Variants in GNB4 observed in about 807,000 individuals in gnomAD.
The protein encoded by GNB4 is guanine nucleotide-binding protein subunit beta-4.
In GNB4, 28 loss-of-function variants were observed where a neutral mutation model predicts 45.2. That is an observed-to-expected ratio of 0.62 (90% CI 0.46 to 0.85). GNB4 has a LOEUF of 0.85. GNB4 is among the 40% of genes least tolerant of loss of function. The probability of loss-of-function intolerance (pLI) is 0.00; values close to 1 mark genes in which losing one functional copy is unlikely to be tolerated. For missense variants in GNB4, 321 were observed against 425.4 expected, an observed-to-expected ratio of 0.75 and a Z score of 2.16; for synonymous variants, 132 against 143.7, an observed-to-expected ratio of 0.92 and a Z score of 0.58.
intron 9 of GNB4, among the ~76,000 whole-genome samples, chr3:179,404,677 T>A (rs1300799802): frequency 2.6e-5 from 4 of 152,194 alleles, no homozygotes; most frequent in Non-Finnish European, 5.9e-5. Context: ...AAGTATAATT[T>A]TGATTTTTAA....
the GNB4 span, among the ~76,000 whole-genome samples, chr3:179,508,457 G>C: frequency 6.6e-6 from 1 of 152,182 alleles, no homozygotes; most frequent in Non-Finnish European, 1.5e-5. Context: ...GATGCTGATA[G>C]GGTTAAAATA....
chr3:179,428,123 T>A (rs1244007904), intron 1 of GNB4, among the ~76,000 whole-genome samples: 1 of 152,222 alleles, frequency 6.6e-6, no homozygotes, highest in Non-Finnish European at 1.5e-5. Flanking sequence ...AAAACCAGTA[T>A]CTATTTATTC....
At chr3:179,457,903 T>TC in the GNB4 span, among the ~76,000 whole-genome samples, 1 of 145,934 alleles carries the variant, frequency 6.9e-6, no homozygotes, top group Non-Finnish European at 1.5e-5. Flanking sequence ...TCATTTTAGT[T>TC]CTTTTTTTTT....
the GNB4 span, among the ~76,000 whole-genome samples, chr3:179,522,602 A>G: frequency 6.6e-6 from 1 of 152,254 alleles, no homozygotes; most frequent in Admixed American, 6.5e-5. Context: ...GAAGAGCAAT[A>G]GCCTCAATAA....
the GNB4 span, among the ~76,000 whole-genome samples, chr3:179,482,212 C>T: frequency 6.6e-6 from 1 of 152,152 alleles, no homozygotes; most frequent in Non-Finnish European, 1.5e-5. Flanking sequence ...TTTTAAAAAT[C>T]AAGTTTCAAT....
Position 179,401,124 on chromosome 3 carries a change from C to T in GNB4, c.*89G>A. 2 of 731,220 alleles carry T rather than the reference C, an allele frequency of 2.7e-6. No individual in the cohort carries two copies. The highest frequency in any genetic ancestry group is 4.0e-6 in the Non-Finnish European group (2 of 494,186). 45.3% of individuals were successfully genotyped at this position (731,220 alleles called of 1,614,324 possible). On this transcript the variant is annotated 3_prime_UTR_variant, in exon 10 of 10. Transcript: ENST00000232564. ...AATCTAATAGAAAAATCTTCACCTG[C>T]AAATATAAGGTAGAATTTTTTCACA...
chr3:179,468,626 C>T, the GNB4 span, among the ~76,000 whole-genome samples: 1 of 152,172 alleles, frequency 6.6e-6, no homozygotes, highest in Non-Finnish European at 1.5e-5. Context: ...CTGACCAGCA[C>T]TAACATTAAA....
At chr3:179,416,270 AT>A (rs1420338277) in intron 5 of GNB4, among the ~76,000 whole-genome samples, 2 of 152,224 alleles carry the variant, frequency 1.3e-5, no homozygotes, top group African/African-American at 4.8e-5. Flanking sequence ...ATATTCATAT[AT>A]TAAATATGAG....
intron 1 of GNB4, among the ~76,000 whole-genome samples, chr3:179,445,048 A>T (rs1490417355): frequency 6.6e-6 from 1 of 152,194 alleles, no homozygotes; most frequent in Non-Finnish European, 1.5e-5. Flanking sequence ...AAAAAAATTA[A>T]AAATCCTATA....
the GNB4 span, among the ~76,000 whole-genome samples, chr3:179,485,471 T>C: frequency 6.6e-6 from 1 of 152,198 alleles, no homozygotes; most frequent in East Asian, 1.9e-4. Flanking sequence ...CCTATTTCCA[T>C]TTGGGTAATA....
the GNB4 span, among the ~76,000 whole-genome samples, chr3:179,494,692 G>A: frequency 3.3e-5 from 5 of 151,726 alleles, no homozygotes; most frequent in African/African-American, 4.8e-5. Flanking sequence ...GGCAGATCAC[G>A]AGGTCAGGAG....
chr3:179,474,323 A>G, the GNB4 span, among the ~76,000 whole-genome samples: 559 of 152,248 alleles, frequency 3.7e-3, no homozygotes, highest in Admixed American at 5.5e-3. Context: ...TCCCGGGTTC[A>G]AGCGATTCTC....
intron 1 of GNB4, among the ~76,000 whole-genome samples, chr3:179,429,341 C>A (rs953102571): frequency 6.6e-6 from 1 of 152,128 alleles, no homozygotes; most frequent in Non-Finnish European, 1.5e-5. Context: ...TGGGGAACAC[C>A]GGGAATCAAC....
chr3:179,420,954 G>A (rs1227086081), intron 2 of GNB4, 27 bp from the exon 3 acceptor site: 4 of 1,394,848 alleles, frequency 2.9e-6, no homozygotes, highest in Non-Finnish European at 4.1e-6. Context: ...TGATTATAAT[G>A]CATTTAGCAA....
the GNB4 span, among the ~76,000 whole-genome samples, chr3:179,460,257 C>T: frequency 6.6e-6 from 1 of 152,146 alleles, no homozygotes; most frequent in East Asian, 1.9e-4. Context: ...TCTCAAGAAA[C>T]TGGAAACCTC....
At chr3:179,517,849 G>A in the GNB4 span, among the ~76,000 whole-genome samples, 85,868 of 151,974 alleles carry the variant, frequency 0.57, 24,606 homozygotes, top group African/African-American at 0.65. Context: ...GTTTAATCAC[G>A]CAGGGACGCC....
chr3:179,404,263 C>G (rs1302543005), intron 9 of GNB4, among the ~76,000 whole-genome samples: 1 of 152,188 alleles, frequency 6.6e-6, no homozygotes, highest in Non-Finnish European at 1.5e-5. Context: ...CAAAATCTAT[C>G]ATATGGGAAA....
At chr3:179,464,447 A>G in the GNB4 span, 1 of 1,579,056 alleles carries the variant, frequency 6.3e-7, no homozygotes, top group East Asian at 2.2e-5. Flanking sequence ...CGGCAGTTAC[A>G]GATGAAGCTG....
At chr3:179,482,995 C>G in the GNB4 span, among the ~76,000 whole-genome samples, 2 of 152,094 alleles carry the variant, frequency 1.3e-5, no homozygotes, top group Admixed American at 6.5e-5. Context: ...ATCCATTGCA[C>G]CAGTTGTCTG....
Sources: gnomAD v4.1 joint callset for allele counts (sites outside exome capture counted in the v4.1 genomes callset) on GRCh38, gnomAD v4.1.1 for gene constraint, MANE v1.5 for transcripts, NCBI Gene and HGNC (gene_info 2026-07-23, HGNC 2026-07-21) for gene names.